Variants in RBFOX1 observed in about 807,000 individuals in gnomAD.
RBFOX1 encodes the protein RNA binding fox-1 homolog 1.
RBFOX1 carries 8 observed loss-of-function variants against 57.7 expected under a neutral mutation model. That is an observed-to-expected ratio of 0.14 (90% CI 0.08 to 0.25). The LOEUF (loss-of-function observed/expected upper bound fraction) is 0.25, where lower values mean the gene tolerates loss of function less well. Ranked by LOEUF, RBFOX1 falls within the 10% of genes least tolerant of loss-of-function variation. RBFOX1 has a pLI of 1.00. For missense variants in RBFOX1, 611 were observed against 548.5 expected (o/e 1.11, Z -1.14); for synonymous variants, 326 against 222.4 (o/e 1.47, Z -4.15).
chr16:5,479,075 G>A (rs1440254797), intron 2 of RBFOX1, among the ~76,000 whole-genome samples: 2 of 152,206 alleles, frequency 1.3e-5, no homozygotes, highest in Non-Finnish European at 2.9e-5. Flanking sequence ...CCAGGACCCT[G>A]GCTGCCACAA....
chr16:6,195,695 G>A (rs936874232), intron 1 of RBFOX1, among the ~76,000 whole-genome samples: 1 of 151,710 alleles, frequency 6.6e-6, no homozygotes, highest in African/African-American at 2.4e-5. Flanking sequence ...CTCCAGCCTG[G>A]GAAACAAGGG....
rs1357263654 is a variant in RBFOX1, at chr16:7,466,187, G to A, written c.28-51960G>A. On this transcript the variant is annotated intron_variant, in intron 4 of 15. Coordinates refer to ENST00000550418, the MANE Select transcript of RBFOX1 (RefSeq NM_018723.4). ...CAACTGCCAAAAAGCTAGCACAGTT[G>A]TAATTTGCATCTAATAAAAGGAGAT... 2.6e-5 allele frequency among the ~76,000 whole-genome samples: 4 copies of A among 152,174 alleles called. No individual in the cohort carries two copies. The East Asian group carries it at 7.7e-4, about 29-fold the overall frequency.
At chr16:7,317,032 C>G (rs2096457241) in intron 4 of RBFOX1, among the ~76,000 whole-genome samples, 1 of 150,862 alleles carries the variant, frequency 6.6e-6, no homozygotes, top group African/African-American at 2.4e-5. Context: ...AGTTAAATGA[C>G]CATATTTAGC....
chr16:5,982,618 A>G (rs889787272), intron 4 of RBFOX1, among the ~76,000 whole-genome samples: 1 of 152,132 alleles, frequency 6.6e-6, no homozygotes, highest in African/African-American at 2.4e-5. Context: ...TAGAATGCTC[A>G]TCCATATGGC....
intron 3 of RBFOX1, among the ~76,000 whole-genome samples, chr16:6,834,917 G>A (rs910271436): frequency 7.2e-6 from 1 of 139,012 alleles, no homozygotes; most frequent in Non-Finnish European, 1.5e-5. Context: ...TTTTGAGATG[G>A]TGTCTCGCTC....
chr16:5,924,041 T>A (rs1470416858), intron 4 of RBFOX1, among the ~76,000 whole-genome samples: 1 of 152,108 alleles, frequency 6.6e-6, no homozygotes, highest in African/African-American at 2.4e-5. Context: ...CCCATGCTGT[T>A]CTCAGGATAG....
intron 1 of RBFOX1, among the ~76,000 whole-genome samples, chr16:6,150,049 G>A (rs974627712): frequency 3.3e-5 from 5 of 152,190 alleles, no homozygotes; most frequent in Admixed American, 6.5e-5. Flanking sequence ...TGTAGAGCGC[G>A]ATTCTATGCA....
intron 1 of RBFOX1, among the ~76,000 whole-genome samples, chr16:5,315,546 C>T (rs560015996): frequency 7.8e-4 from 118 of 152,256 alleles, no homozygotes; most frequent in African/African-American, 2.8e-3. Flanking sequence ...GAGGGCTCCC[C>T]TTCATTTCAG....
intron 3 of RBFOX1, among the ~76,000 whole-genome samples, chr16:6,800,076 G>C (rs1460686180): frequency 6.6e-6 from 1 of 152,146 alleles, no homozygotes; most frequent in Non-Finnish European, 1.5e-5. Flanking sequence ...CATGGTGTCA[G>C]TAAACTGTCA....
intron 4 of RBFOX1, among the ~76,000 whole-genome samples, chr16:7,118,217 G>C (rs1600011057): frequency 6.6e-6 from 1 of 152,110 alleles, no homozygotes; most frequent in African/African-American, 2.4e-5. Flanking sequence ...CAGCATATAA[G>C]AGTCCCCATT....
At chr16:5,430,683 A>G (rs1434450455) in intron 1 of RBFOX1, among the ~76,000 whole-genome samples, 4 of 152,244 alleles carry the variant, frequency 2.6e-5, no homozygotes, top group African/African-American at 7.2e-5. Context: ...AGGTATTTTT[A>G]GGTGTAAGCA....
At chr16:6,659,914 C>T (rs944205019) in intron 3 of RBFOX1, among the ~76,000 whole-genome samples, 6 of 152,012 alleles carry the variant, frequency 3.9e-5, no homozygotes, top group East Asian at 3.9e-4. Context: ...AGTAGATACA[C>T]GGGTTAGAAA....
chr16:6,239,585 G>T (rs755953888), intron 1 of RBFOX1, among the ~76,000 whole-genome samples: 1 of 125,490 alleles, frequency 8.0e-6, no homozygotes, highest in Non-Finnish European at 1.6e-5. Flanking sequence ...TGCATCCTCC[G>T]CCACCTGGTT....
In RBFOX1 at chr16:7,550,597, A is replaced by C. The variant is rs9923484; in HGVS notation, c.271-29180A>C. On this transcript the variant is annotated intron_variant, in intron 5 of 15. Coordinates refer to ENST00000550418, the MANE Select transcript of RBFOX1 (RefSeq NM_018723.4). ...CTTTTCATATTAACAAACAGTGCTC[A>C]AAAAGGATTCTCATTTTTAATTCGG... Among the ~76,000 whole-genome samples the C allele has an allele frequency of 1.6e-3, 242 of 152,286 alleles. 2 individuals carry two copies. Among genetic ancestry groups the C allele is most frequent in the African/African-American group, 5.7e-3 (236 of 41,558 alleles).
intron 3 of RBFOX1, among the ~76,000 whole-genome samples, chr16:6,794,102 G>C (rs539157907): frequency 5.9e-5 from 9 of 152,158 alleles, no homozygotes; most frequent in African/African-American, 2.2e-4. Context: ...TATAAGTTTA[G>C]GGAGCATGGG....
intron 3 of RBFOX1, among the ~76,000 whole-genome samples, chr16:5,714,976 G>C (rs1567437968): frequency 6.6e-6 from 1 of 152,206 alleles, no homozygotes; most frequent in Admixed American, 6.5e-5. Flanking sequence ...GTTGTGTTGA[G>C]TTGAATAAAC....
intron 4 of RBFOX1, among the ~76,000 whole-genome samples, chr16:5,898,400 T>C (rs1014084662): frequency 6.6e-6 from 1 of 152,168 alleles, no homozygotes; most frequent in African/African-American, 2.4e-5. Flanking sequence ...GAAGATCTGG[T>C]GGGCCTCTTG....
chr16:6,243,764 G>T (rs573677803), intron 1 of RBFOX1, among the ~76,000 whole-genome samples: 1 of 152,172 alleles, frequency 6.6e-6, no homozygotes, highest in Non-Finnish European at 1.5e-5. Context: ...TAGCACCTTG[G>T]TTTGGTTGGT....
chr16:6,780,570 ATT>A (rs1402127164), intron 3 of RBFOX1, among the ~76,000 whole-genome samples: 8 of 131,446 alleles, frequency 6.1e-5, no homozygotes, highest in African/African-American at 2.2e-4. Context: ...ATTTATATAT[ATT>A]TATATATATA....
Sources: allele counts gnomAD v4.1 joint callset (sites outside exome capture counted in the v4.1 genomes callset), GRCh38; gene constraint gnomAD v4.1.1; transcripts MANE v1.5; gene names NCBI Gene and HGNC (gene_info 2026-07-23, HGNC 2026-07-21).